KCNN3: variants seen among roughly 807,000 people sequenced by gnomAD.
The protein encoded by KCNN3 is small conductance calcium-activated potassium channel protein 3.
In KCNN3, 16 loss-of-function variants were observed where a neutral mutation model predicts 62.9. The ratio of observed to expected loss-of-function variants is 0.25; its 90% CI spans 0.17 to 0.39. KCNN3 has a LOEUF of 0.39. KCNN3 is among the 10% of genes least tolerant of loss of function. KCNN3 has a pLI of 1.00. For synonymous variants in KCNN3, 370 were observed against 389.2 expected (o/e 0.95, Z 0.58); for missense variants, 599 against 949.4 (o/e 0.63, Z 4.85).
At chr1:154,805,789 G>C (rs1285202352) in intron 2 of KCNN3, among the ~76,000 whole-genome samples, 1 of 152,154 alleles carries the variant, frequency 6.6e-6, no homozygotes, top group Non-Finnish European at 1.5e-5. Context: ...TACAAATAGA[G>C]GATTGTGGTA....
At chr1:154,783,755 C>T (rs993757845) in intron 2 of KCNN3, among the ~76,000 whole-genome samples, 2 of 152,116 alleles carry the variant, frequency 1.3e-5, no homozygotes, top group Non-Finnish European at 1.5e-5. Flanking sequence ...AGGGGGAGGC[C>T]GGAGCCCACT....
intron 3 of KCNN3, among the ~76,000 whole-genome samples, chr1:154,768,599 T>G (rs1307978708): frequency 6.6e-6 from 1 of 152,158 alleles, no homozygotes; most frequent in Non-Finnish European, 1.5e-5. Context: ...GGGTTAGGCC[T>G]TTGAACTCCC....
intron 2 of KCNN3, among the ~76,000 whole-genome samples, chr1:154,807,627 T>G (rs1485245114): frequency 6.6e-6 from 1 of 151,964 alleles, no homozygotes; most frequent in East Asian, 1.9e-4. Flanking sequence ...TGGAGAAGAG[T>G]GTATTTTTAG....
chr1:154,748,431 T>C (rs1349259913), intron 3 of KCNN3, among the ~76,000 whole-genome samples: 1 of 152,240 alleles, frequency 6.6e-6, no homozygotes, highest in Non-Finnish European at 1.5e-5. Context: ...TTGGGATTCT[T>C]GCAAAATACT....
intron 4 of KCNN3, among the ~76,000 whole-genome samples, 178 bp downstream of exon 4, chr1:154,732,825 G>A (rs1317679079): frequency 6.6e-6 from 1 of 152,246 alleles, no homozygotes; most frequent in Non-Finnish European, 1.5e-5. Flanking sequence ...ACTGAAAAGT[G>A]AGAAACCATT....
chr1:154,837,379 G>A (rs1370037741), intron 1 of KCNN3, among the ~76,000 whole-genome samples: 2 of 152,068 alleles, frequency 1.3e-5, no homozygotes, highest in African/African-American at 2.4e-5. Context: ...TCCTGAGCTC[G>A]TAATCCACCC....
At chr1:154,755,486 AGAAAGGG>A (rs1647599588) in intron 3 of KCNN3, among the ~76,000 whole-genome samples, 2 of 89,118 alleles carry the variant, frequency 2.2e-5, no homozygotes, top group East Asian at 8.8e-4. Context: ...AAAGGAAGGA[AGAAAGGG>A]AGAAAGAAAG....
chr1:154,812,135 C>A (rs184259915), intron 2 of KCNN3, among the ~76,000 whole-genome samples: 113 of 152,290 alleles, frequency 7.4e-4, no homozygotes, highest in Non-Finnish European at 1.2e-3. Flanking sequence ...GATTGAGAAC[C>A]GCTGCCACGG....
chr1:154,724,474 T>G (rs781141593), intron 5 of KCNN3, among the ~76,000 whole-genome samples: 1 of 152,246 alleles, frequency 6.6e-6, no homozygotes, highest in Non-Finnish European at 1.5e-5. Flanking sequence ...GTTTTAATTC[T>G]GTCTCGTCTC....
rs193067899 is a variant in KCNN3, at chr1:154,783,168, G to A, written c.1030-10775C>T. Among the ~76,000 whole-genome samples the A allele has an allele frequency of 7.4e-3, 1,111 of 150,544 alleles. 25 individuals are homozygous for A. Among genetic ancestry groups the A allele is most frequent in the African/African-American group, 0.025 (1,030 of 40,904 alleles). Reference sequence around the variant, plus strand: ...GCAGAGCTTGCAGTGAGTCGAGATCGCACCACTGTACTCCAGCCTGGGTGA... The same window carrying A: ...GCAGAGCTTGCAGTGAGTCGAGATCACACCACTGTACTCCAGCCTGGGTGA... On this transcript the variant is annotated intron_variant, in intron 2 of 7. Transcript: ENST00000271915.
In KCNN3 at chr1:154,859,399, G is replaced by A. The variant is rs145229612; in HGVS notation, c.933+9633C>T. 7.9e-4 allele frequency among the ~76,000 whole-genome samples: 121 copies of A among 152,320 alleles called. 1 individual carries two copies. The highest frequency in any genetic ancestry group is 3.7e-3 in the Admixed American group (56 of 15,302). On this transcript the variant is annotated intron_variant, in intron 1 of 7. Transcript: ENST00000271915. Reference sequence around the variant, plus strand: ...CCCAGGAGCACCCACAGCCAGGCTGGCCACTTGACCAACCACTAGCAAGTG... The same window carrying A: ...CCCAGGAGCACCCACAGCCAGGCTGACCACTTGACCAACCACTAGCAAGTG...
At chr1:154,808,766 CTT>C (rs1650283054) in intron 2 of KCNN3, among the ~76,000 whole-genome samples, 1 of 152,204 alleles carries the variant, frequency 6.6e-6, no homozygotes, top group African/African-American at 2.4e-5. Flanking sequence ...GGCAATTTCT[CTT>C]TGCTCTCAAA....
intron 1 of KCNN3, among the ~76,000 whole-genome samples, chr1:154,865,365 A>G (rs1652912276): frequency 1.3e-5 from 2 of 151,512 alleles, no homozygotes; most frequent in African/African-American, 4.9e-5. Flanking sequence ...AAAAAAAAAA[A>G]GGACTCCTCA....
At chr1:154,822,304 C>T (rs989106873) in intron 1 of KCNN3, 120 bp from the exon 2 acceptor site, 18 of 780,512 alleles carry the variant, frequency 2.3e-5, no homozygotes, top group Middle Eastern at 5.2e-4. Context: ...CCAGCCCCTC[C>T]TAGGAGCAGG....
chr1:154,798,582 G>A (rs928331177), intron 2 of KCNN3, among the ~76,000 whole-genome samples: 1 of 152,182 alleles, frequency 6.6e-6, no homozygotes, highest in African/African-American at 2.4e-5. Context: ...GGGAGACATT[G>A]TTTACACTAA....
At chr1:154,844,748 G>A (rs980424939) in intron 1 of KCNN3, among the ~76,000 whole-genome samples, 1 of 152,208 alleles carries the variant, frequency 6.6e-6, no homozygotes, top group Non-Finnish European at 1.5e-5. Context: ...GCTCATGCCT[G>A]TAATCCCAGC....
At chr1:154,749,309 G>T (rs1317845931) in intron 3 of KCNN3, among the ~76,000 whole-genome samples, 4 of 152,242 alleles carry the variant, frequency 2.6e-5, no homozygotes, top group Non-Finnish European at 5.9e-5. Flanking sequence ...AAAGACGGGT[G>T]TCTTGCTCTT....
chr1:154,769,692 T>C (rs1648462672), intron 3 of KCNN3, among the ~76,000 whole-genome samples: 1 of 152,200 alleles, frequency 6.6e-6, no homozygotes, highest in African/African-American at 2.4e-5. Flanking sequence ...TCTGAGGAAG[T>C]GAAAGACTTC....
intron 2 of KCNN3, among the ~76,000 whole-genome samples, chr1:154,793,636 A>G (rs970494428): frequency 2.6e-5 from 4 of 152,232 alleles, no homozygotes; most frequent in Non-Finnish European, 4.4e-5. Context: ...GAACTTATTC[A>G]CTATGCTGGG....
Sources: allele counts gnomAD v4.1 joint callset (sites outside exome capture counted in the v4.1 genomes callset), GRCh38; gene constraint gnomAD v4.1.1; transcripts MANE v1.5; gene names NCBI Gene and HGNC (gene_info 2026-07-23, HGNC 2026-07-21).